PELI2: variants seen among roughly 807,000 people sequenced by gnomAD.
PELI2 encodes pellino E3 ubiquitin protein ligase family member 2, also known as E3 ubiquitin-protein ligase pellino homolog 2.
Under a neutral mutation model 42.3 loss-of-function variants are expected in PELI2, and 23 were observed. The ratio of observed to expected loss-of-function variants is 0.54; its 90% CI spans 0.39 to 0.77. The LOEUF (loss-of-function observed/expected upper bound fraction) is 0.77. PELI2 is among the 30% of genes least tolerant of loss of function. The probability of loss-of-function intolerance (pLI) is 0.00; values close to 1 mark genes in which losing one functional copy is unlikely to be tolerated. For synonymous variants in PELI2, 245 were observed against 212.2 expected (o/e 1.15, Z -1.34); for missense variants, 463 against 553.2 (o/e 0.84, Z 1.64).
In PELI2 at chr14:56,290,386, G is replaced by A. The variant is rs117504135; in HGVS notation, c.626G>A (p.Arg209His). 0.01 allele frequency: 16,720 copies of A among 1,613,652 alleles called. 112 individuals carry two copies. The highest frequency in any genetic ancestry group is 0.012 in the Non-Finnish European group (14,642 of 1,179,634). ...FTEESQPGVW[R>H]EISVCGDVYT... ...GAGGAGTCCCAGCCCGGGGTCTGGC[G>A]CGAGATCTCTGTCTGTGGAGATGTG... Residue 209 changes from arginine to histidine, a missense_variant, in exon 5 of 6, where the codon CGC becomes CAC. This residue lies in a region of PELI2 where 343 missense variants were observed against 378.4 expected (regional missense o/e 0.91). Transcript: ENST00000267460.
intron 2 of PELI2, among the ~76,000 whole-genome samples, chr14:56,241,127 C>T (rs759136590): frequency 1.3e-5 from 2 of 152,068 alleles, no homozygotes; most frequent in Non-Finnish European, 2.9e-5. Flanking sequence ...AAATCAACCA[C>T]ATGGAGAGAA....
intron 2 of PELI2, among the ~76,000 whole-genome samples, chr14:56,212,728 A>C (rs1466829049): frequency 1.3e-5 from 2 of 152,048 alleles, no homozygotes; most frequent in African/African-American, 2.4e-5. Context: ...ACTCTTCATA[A>C]CTCTTCAGTC....
chr14:56,226,535 G>A (rs1010452821), intron 2 of PELI2, among the ~76,000 whole-genome samples: 1 of 152,138 alleles, frequency 6.6e-6, no homozygotes, highest in Non-Finnish European at 1.5e-5. Context: ...TTAAATAAAT[G>A]TACAGGTAAT....
chr14:56,235,997 T>C (rs75653351), intron 2 of PELI2, among the ~76,000 whole-genome samples: 3,445 of 152,312 alleles, frequency 0.023, 137 homozygotes, highest in African/African-American at 0.08. Flanking sequence ...GACATTTTCT[T>C]TTGTTTCTCT....
intron 1 of PELI2, among the ~76,000 whole-genome samples, chr14:56,143,115 C>T (rs1303203298): frequency 1.3e-5 from 2 of 152,122 alleles, no homozygotes; most frequent in African/African-American, 2.4e-5. Context: ...CTCCTTACTC[C>T]CTTCTAATCT....
At chr14:56,289,684 G>A (rs545969880) in intron 4 of PELI2, among the ~76,000 whole-genome samples, 1 of 151,974 alleles carries the variant, frequency 6.6e-6, no homozygotes, top group Admixed American at 6.5e-5. Context: ...GAAGAGCTGT[G>A]GCACAAGCAC....
At chr14:56,172,814 C>T (rs1885227600) in intron 1 of PELI2, among the ~76,000 whole-genome samples, 3 of 152,168 alleles carry the variant, frequency 2.0e-5, no homozygotes, top group African/African-American at 4.8e-5. Flanking sequence ...ATGACTCATT[C>T]TTTTCCAAAT....
At chr14:56,277,933 C>T (rs953790081) in intron 2 of PELI2, among the ~76,000 whole-genome samples, 4 of 152,162 alleles carry the variant, frequency 2.6e-5, no homozygotes, top group African/African-American at 9.7e-5. Context: ...TAAGCAGGTG[C>T]CATTGTACAA....
At chr14:56,240,360 G>A (rs944832688) in intron 2 of PELI2, among the ~76,000 whole-genome samples, 3 of 152,090 alleles carry the variant, frequency 2.0e-5, no homozygotes, top group African/African-American at 7.2e-5. Context: ...ATGACCAACT[G>A]GGTAAATGAT....
At chr14:56,208,164 G>A (rs1053533700) in intron 2 of PELI2, among the ~76,000 whole-genome samples, 9 of 152,206 alleles carry the variant, frequency 5.9e-5, no homozygotes, top group African/African-American at 2.2e-4. Context: ...TGCTTGCCAT[G>A]ATGAGGGCAG....
intron 2 of PELI2, among the ~76,000 whole-genome samples, chr14:56,266,932 A>G (rs1888928211): frequency 6.6e-6 from 1 of 152,104 alleles, no homozygotes; most frequent in African/African-American, 2.4e-5. Flanking sequence ...ACAATTCTAT[A>G]AGTTATTGTG....
At chr14:56,265,544 A>G (rs1172832827) in intron 2 of PELI2, among the ~76,000 whole-genome samples, 1 of 152,134 alleles carries the variant, frequency 6.6e-6, no homozygotes, top group Non-Finnish European at 1.5e-5. Flanking sequence ...ATTTTGAGTT[A>G]GGAAGAATTT....
chr14:56,281,679 G>A (rs1889487298), intron 3 of PELI2, among the ~76,000 whole-genome samples: 1 of 152,102 alleles, frequency 6.6e-6, no homozygotes, highest in Non-Finnish European at 1.5e-5. Flanking sequence ...AAAGGTTAAT[G>A]TCACAAATAT....
At chr14:56,143,942 A>G (rs1884010703) in intron 1 of PELI2, among the ~76,000 whole-genome samples, 1 of 152,154 alleles carries the variant, frequency 6.6e-6, no homozygotes, top group African/African-American at 2.4e-5. Context: ...ACTCATTGCT[A>G]CTGGATTATC....
intron 1 of PELI2, among the ~76,000 whole-genome samples, chr14:56,170,210 C>T (rs2139654044): frequency 6.6e-6 from 1 of 152,258 alleles, no homozygotes; most frequent in South Asian, 2.1e-4. Flanking sequence ...AAGAGCTGAC[C>T]ACCTCTGGAA....
Position 56,284,612 on chromosome 14 carries a change from G to A in PELI2, c.310-3825G>A, listed in dbSNP as rs539453232. 1.4e-4 allele frequency among the ~76,000 whole-genome samples: 19 copies of A among 137,776 alleles called. No homozygotes were observed. In the South Asian group the frequency reaches 5.3e-3, roughly 39 times the overall value. 90.4% of individuals were successfully genotyped at this position (137,776 alleles called of 152,430 possible). ...AGTTTTAGATGATAACATTTAATTA[G>A]TATCTATTAAGTTAAGAGGAAAATA... On this transcript the variant is annotated intron_variant, in intron 3 of 5. Coordinates refer to ENST00000267460, the MANE Select transcript of PELI2 (RefSeq NM_021255.3).
intron 2 of PELI2, among the ~76,000 whole-genome samples, chr14:56,233,888 A>G (rs1387787295): frequency 6.6e-6 from 1 of 152,216 alleles, no homozygotes; most frequent in Non-Finnish European, 1.5e-5. Flanking sequence ...GAATCTACAA[A>G]GAACTTAAAC....
intron 2 of PELI2, among the ~76,000 whole-genome samples, chr14:56,276,697 C>G (rs1328233293): frequency 6.6e-6 from 1 of 152,144 alleles, no homozygotes; most frequent in Non-Finnish European, 1.5e-5. Flanking sequence ...TCATACCTTC[C>G]CCAAATTCCA....
chr14:56,134,520 G>C (rs1264241480), intron 1 of PELI2, among the ~76,000 whole-genome samples: 1 of 151,910 alleles, frequency 6.6e-6, no homozygotes, highest in Non-Finnish European at 1.5e-5. Flanking sequence ...TTGATTCTTA[G>C]AGAACTTTGT....
Sources: allele counts gnomAD v4.1 joint callset (sites outside exome capture counted in the v4.1 genomes callset), GRCh38; gene constraint gnomAD v4.1.1; regional missense constraint gnomAD v4.1.1; transcripts MANE v1.5; gene names NCBI Gene and HGNC (gene_info 2026-07-23, HGNC 2026-07-21).